RNLS: variants seen among roughly 807,000 people sequenced by gnomAD.
RNLS encodes renalase.
RNLS carries 39 observed loss-of-function variants against 39.8 expected under a neutral mutation model. That is an observed-to-expected ratio of 0.98 (90% CI 0.76 to 1.28). RNLS has a LOEUF of 1.28. RNLS is among the 50% of genes most tolerant of loss of function. The probability of loss-of-function intolerance (pLI) is 0.00; values close to 1 mark genes in which losing one functional copy is unlikely to be tolerated. For synonymous variants in RNLS, 147 were observed against 150.7 expected (o/e 0.98, Z 0.18); for missense variants, 410 against 413.3 (o/e 0.99, Z 0.07).
intron 6 of RNLS, among the ~76,000 whole-genome samples, chr10:88,308,267 G>C (rs1845081391): frequency 6.6e-6 from 1 of 152,078 alleles, no homozygotes; most frequent in South Asian, 2.1e-4. Context: ...AAAAGCAATT[G>C]CAACAAAAGC....
the RNLS span, among the ~76,000 whole-genome samples, chr10:88,234,756 CA>C: frequency 6.6e-6 from 1 of 152,080 alleles, no homozygotes; most frequent in Non-Finnish European, 1.5e-5. Context: ...GCAGGCAGAA[CA>C]AAGTCGGTAT....
chr10:88,322,509 A>C (rs1054244901), intron 5 of RNLS, among the ~76,000 whole-genome samples: 1 of 152,140 alleles, frequency 6.6e-6, no homozygotes, highest in African/African-American at 2.4e-5. Flanking sequence ...GATGGTATTT[A>C]AAGTGTTTGA....
chr10:88,278,130 G>A (rs1263368168), intron 6 of RNLS, among the ~76,000 whole-genome samples: 1 of 152,094 alleles, frequency 6.6e-6, no homozygotes, highest in Non-Finnish European at 1.5e-5. Flanking sequence ...CATTCTTGTA[G>A]CTCTTTCCTA....
At chr10:88,229,357 T>C in the RNLS span, among the ~76,000 whole-genome samples, 1 of 152,204 alleles carries the variant, frequency 6.6e-6, no homozygotes, top group African/African-American at 2.4e-5. Context: ...ACCCCTCTAA[T>C]AGCTCTAGTG....
At chr10:88,295,952 A>G (rs1024690771) in intron 6 of RNLS, among the ~76,000 whole-genome samples, 2 of 152,182 alleles carry the variant, frequency 1.3e-5, no homozygotes, top group African/African-American at 2.4e-5. Flanking sequence ...GGTTTTCTCT[A>G]GAACTATTGA....
intron 5 of RNLS, among the ~76,000 whole-genome samples, chr10:88,335,252 C>T (rs1847400190): frequency 6.7e-6 from 1 of 148,294 alleles, no homozygotes; most frequent in South Asian, 2.1e-4. Flanking sequence ...ATGTCTTGCT[C>T]TATTACCCAG....
chr10:88,510,028 T>A (rs1425423623), intron 4 of RNLS, among the ~76,000 whole-genome samples: 1 of 152,180 alleles, frequency 6.6e-6, no homozygotes, highest in Non-Finnish European at 1.5e-5. Context: ...GATATTAACA[T>A]TTGGAGTACA....
chr10:88,540,608 A>C (rs982091594), intron 4 of RNLS, among the ~76,000 whole-genome samples: 2 of 152,128 alleles, frequency 1.3e-5, no homozygotes, highest in African/African-American at 4.8e-5. Context: ...CTACAACAGC[A>C]ATTTGAAGAA....
rs1850219015 is a variant in RNLS at position 88,576,477 on chromosome 10, C to T, written c.368-3416G>A. ...TTTATGTTTCTCCTATGATTTCCCA[C>T]AAATAGGTTTTAGTGAGCAGCAGTC... is the stretch of plus-strand genomic sequence containing the variant. On this transcript the variant is annotated intron_variant, in intron 3 of 6. Coordinates refer to ENST00000331772, the MANE Select transcript of RNLS (RefSeq NM_001031709.3). 2.6e-5 allele frequency among the ~76,000 whole-genome samples: 4 copies of T among 152,136 alleles called. No individual in the cohort carries two copies. In the South Asian group the frequency reaches 8.3e-4, roughly 32 times the overall value.
the RNLS span, among the ~76,000 whole-genome samples, chr10:88,241,113 A>T: frequency 6.6e-6 from 1 of 151,400 alleles, no homozygotes; most frequent in African/African-American, 2.4e-5. Flanking sequence ...GTCTGTTTGT[A>T]TGTGAGGTTG....
At chr10:88,446,471 G>A (rs1331000246) in intron 4 of RNLS, among the ~76,000 whole-genome samples, 6 of 152,108 alleles carry the variant, frequency 3.9e-5, no homozygotes, top group Admixed American at 3.9e-4. Context: ...GATCAGAGCA[G>A]AACTGAAGGA....
intron 4 of RNLS, among the ~76,000 whole-genome samples, chr10:88,540,478 T>A (rs537260195): frequency 6.6e-6 from 1 of 152,242 alleles, no homozygotes; most frequent in East Asian, 1.9e-4. Flanking sequence ...GCTTAATCGG[T>A]TGACTATCTG....
chr10:88,341,529 AT>A (rs1174733523), intron 5 of RNLS, among the ~76,000 whole-genome samples: 1 of 152,120 alleles, frequency 6.6e-6, no homozygotes, highest in Non-Finnish European at 1.5e-5. Flanking sequence ...TGTGAAGATC[AT>A]TTCACTACAG....
chr10:88,441,515 C>T (rs1417692576), intron 4 of RNLS, among the ~76,000 whole-genome samples: 1 of 152,176 alleles, frequency 6.6e-6, no homozygotes. Context: ...CAGTGCTGAC[C>T]TCTCTATACA....
intron 5 of RNLS, among the ~76,000 whole-genome samples, chr10:88,353,623 ACTT>A (rs1848908592): frequency 1.3e-5 from 2 of 152,192 alleles, no homozygotes; most frequent in African/African-American, 4.8e-5. Flanking sequence ...GGAGTGCTTT[ACTT>A]CCAACTATGT....
chr10:88,420,783 T>C (rs1854358498), intron 4 of RNLS, among the ~76,000 whole-genome samples: 1 of 152,214 alleles, frequency 6.6e-6, no homozygotes, highest in South Asian at 2.1e-4. Context: ...TTTACTACAA[T>C]AGCAGTTTGA....
At chr10:88,501,273 A>C (rs1845470023) in intron 4 of RNLS, among the ~76,000 whole-genome samples, 1 of 152,168 alleles carries the variant, frequency 6.6e-6, no homozygotes, top group Admixed American at 6.6e-5. Flanking sequence ...ACCTTTAATA[A>C]TTTAGTCATT....
chr10:88,321,162 A>G (rs1363621030), intron 5 of RNLS, among the ~76,000 whole-genome samples: 1 of 152,182 alleles, frequency 6.6e-6, no homozygotes, highest in Non-Finnish European at 1.5e-5. Flanking sequence ...AAAACCACAT[A>G]AGAACATGGA....
intron 4 of RNLS, among the ~76,000 whole-genome samples, chr10:88,436,119 C>A (rs1368692704): frequency 6.6e-6 from 1 of 151,902 alleles, no homozygotes; most frequent in African/African-American, 2.4e-5. Context: ...GATGTGAGGA[C>A]AAGAAAGAAA....
Sources: allele counts gnomAD v4.1 joint callset (sites outside exome capture counted in the v4.1 genomes callset), GRCh38; gene constraint gnomAD v4.1.1; transcripts MANE v1.5; gene names NCBI Gene and HGNC (gene_info 2026-07-23, HGNC 2026-07-21).